The following EIF5A2 variants were observed in gnomAD, a reference collection of about 807,000 sequenced individuals.
The protein encoded by EIF5A2 is eukaryotic translation initiation factor 5A2.
Under a neutral mutation model 16.4 loss-of-function variants are expected in EIF5A2, and 15 were observed. That is an observed-to-expected ratio of 0.92 (90% CI 0.61 to 1.41). The LOEUF (loss-of-function observed/expected upper bound fraction) is 1.41. EIF5A2 is among the 40% of genes most tolerant of loss of function. The pLI, the probability that EIF5A2 is intolerant of heterozygous loss-of-function variation, is 0.00. For synonymous variants in EIF5A2, 48 were observed against 61.1 expected (o/e 0.79, Z 1.00); for missense variants, 144 against 189.5 (o/e 0.76, Z 1.41).
At chr3:170,896,109 C>A (rs1029637829) in intron 3 of EIF5A2, among the ~76,000 whole-genome samples, 4 of 152,252 alleles carry the variant, frequency 2.6e-5, no homozygotes. Context: ...GTGACTGAAA[C>A]ACAGAAGCCA....
In EIF5A2 at chr3:170,907,634, G is replaced by A. The variant is rs752868418; in HGVS notation, c.165+8C>T. 6.3e-7 allele frequency: 1 copy of A among 1,585,186 alleles called. No individual in the cohort carries two copies. The highest frequency in any genetic ancestry group is 8.6e-7 in the Non-Finnish European group (1 of 1,157,200). ...CGAAGCCAAAGCCTGATCTGCAAGG[G>A]TACTTACCTTGGCATGACCATGCTT... On this transcript the variant is annotated splice_region_variant and intron_variant, in intron 2 of 4. Coordinates refer to ENST00000295822, the MANE Select transcript of EIF5A2 (RefSeq NM_020390.6).
chr3:170,897,381 A>G lies in EIF5A2; in HGVS notation c.271-2958T>C, dbSNP rs1444930581. Among the ~76,000 whole-genome samples, 4 of 152,184 alleles carry G rather than the reference A, an allele frequency of 2.6e-5. No individual in the cohort carries two copies. In the East Asian group the frequency reaches 7.7e-4, roughly 29 times the overall value. On this transcript the variant is annotated intron_variant, in intron 3 of 4. Coordinates refer to ENST00000295822, the MANE Select transcript of EIF5A2 (RefSeq NM_020390.6). ...AGATATCTTCATGGCATCCCCTCCC[A>G]ACACAGGTCCAGAGGCCTAGGAGGG...
chr3:170,897,514 C>A (rs1446384745), intron 3 of EIF5A2, among the ~76,000 whole-genome samples: 2 of 152,212 alleles, frequency 1.3e-5, no homozygotes, highest in Non-Finnish European at 2.9e-5. Context: ...TAAAAGGGGT[C>A]AAGGTACAGC....
chr3:170,891,128 A>G lies in EIF5A2; in HGVS notation c.*2232T>C, dbSNP rs1712523906. 6.6e-6 allele frequency: 1 copy of G among 152,544 alleles called. No individual in the cohort carries two copies. Among genetic ancestry groups the G allele is most frequent in the African/African-American group, 2.4e-5 (1 of 41,462 alleles). 9.4% of individuals were successfully genotyped at this position (152,544 alleles called of 1,614,324 possible). Reference sequence around the variant, plus strand: ...TTATGTGAAATTTTACAAGTTAGGAAGAACAGGGGCATGCTAATTGAGAGT... The same window carrying G: ...TTATGTGAAATTTTACAAGTTAGGAGGAACAGGGGCATGCTAATTGAGAGT... On this transcript the variant is annotated 3_prime_UTR_variant, in exon 5 of 5. Transcript: ENST00000295822.
intron 3 of EIF5A2, among the ~76,000 whole-genome samples, chr3:170,900,419 A>G (rs941706359): frequency 6.6e-6 from 1 of 151,998 alleles, no homozygotes; most frequent in East Asian, 1.9e-4. Context: ...TCCTACTAAA[A>G]TATTCTAGGG....
chr3:170,890,431 T>G lies in EIF5A2; in HGVS notation c.*2929A>C, dbSNP rs1712502664. 1 of 152,082 alleles carries G rather than the reference T, an allele frequency of 6.6e-6. No homozygotes were observed. The highest frequency in any genetic ancestry group is 1.5e-5 in the Non-Finnish European group (1 of 67,962). The allele number at this position is 152,082 out of a possible 1,614,324, so 9.4% of individuals were successfully genotyped here. On this transcript the variant is annotated 3_prime_UTR_variant, in exon 5 of 5. Transcript: ENST00000295822. ...AGCGCTGGTACAGAGACTTGTATCA[T>G]TAAGGGAAACAGAGTCAAGAGCTTG...
rs548090113 is a variant in EIF5A2 at position 170,890,855 on chromosome 3, C to T, written c.*2505G>A. On this transcript the variant is annotated 3_prime_UTR_variant, in exon 5 of 5. Coordinates refer to ENST00000295822, the MANE Select transcript of EIF5A2 (RefSeq NM_020390.6). Reference sequence around the variant, plus strand: ...TCTATGTTAAAAAATACATGTTCCCCGCTTCCTTTTAATATAATTTATAAA... The same window carrying T: ...TCTATGTTAAAAAATACATGTTCCCTGCTTCCTTTTAATATAATTTATAAA... 1.4e-4 allele frequency: 22 copies of T among 152,584 alleles called. No individual in the cohort carries two copies. Among genetic ancestry groups the T allele is most frequent in the African/African-American group, 2.9e-4 (12 of 41,526 alleles). 9.5% of individuals were successfully genotyped at this position (152,584 alleles called of 1,614,324 possible).
At chr3:170,899,028 G>A (rs1712740698) in intron 3 of EIF5A2, among the ~76,000 whole-genome samples, 1 of 151,922 alleles carries the variant, frequency 6.6e-6, no homozygotes, top group Admixed American at 6.6e-5. Flanking sequence ...TCAAAATCAG[G>A]GAATTTAATA....
At chr3:170,902,607 CTTTT>C (rs1178996738) in intron 3 of EIF5A2, among the ~76,000 whole-genome samples, 3 of 102,242 alleles carry the variant, frequency 2.9e-5, no homozygotes, top group African/African-American at 4.0e-5. Flanking sequence ...AGAAGCCTTC[CTTTT>C]TTTTTTTTTT....
In EIF5A2 at chr3:170,894,539, A is replaced by C. The variant is rs1712620494; in HGVS notation, c.271-116T>G. On this transcript the variant is annotated intron_variant, in intron 3 of 4. Coordinates refer to ENST00000295822, the MANE Select transcript of EIF5A2 (RefSeq NM_020390.6). ...CATATAAGTATACAGTAATATATTA[A>C]TATTCTTGGTATTTAAAATGCTAAA... 8 of 762,258 alleles carry C rather than the reference A, an allele frequency of 1.0e-5. No individual in the cohort carries two copies. In the South Asian group the frequency reaches 2.0e-4, roughly 19 times the overall value. 47.2% of individuals were successfully genotyped at this position (762,258 alleles called of 1,614,324 possible). A position where few individuals can be genotyped will look rare whatever the true frequency, so the allele number is the denominator to read the frequency against.
intron 3 of EIF5A2, among the ~76,000 whole-genome samples, chr3:170,900,437 C>G (rs1236211699): frequency 1.3e-5 from 2 of 149,866 alleles, no homozygotes; most frequent in African/African-American, 4.9e-5. Flanking sequence ...GGGCTCCTTG[C>G]ATAATTCCAG....
At chr3:170,893,740 G>A (rs1290509196) in intron 4 of EIF5A2, among the ~76,000 whole-genome samples, 1 of 152,176 alleles carries the variant, frequency 6.6e-6, no homozygotes, top group African/African-American at 2.4e-5. Flanking sequence ...TTACCTGTAA[G>A]AATAGCTCAG....
chr3:170,896,680 G>T lies in EIF5A2; in HGVS notation c.271-2257C>A, dbSNP rs545712821. Among the ~76,000 whole-genome samples the T allele has an allele frequency of 6.5e-4, 99 of 152,254 alleles. 2 individuals carry two copies. Among genetic ancestry groups the T allele is most frequent in the Admixed American group, 5.3e-3 (81 of 15,288 alleles). ...TTCTTTATAAATTACCCAGTCTCAG[G>T]TAGTTCTTTATAGCAGTGTGAAAAA... On this transcript the variant is annotated intron_variant, in intron 3 of 4. Transcript: ENST00000295822.
At chr3:170,901,853 C>T (rs982250232) in intron 3 of EIF5A2, among the ~76,000 whole-genome samples, 38 of 152,184 alleles carry the variant, frequency 2.5e-4, no homozygotes, top group African/African-American at 7.7e-4. Flanking sequence ...TTCTTTTCCC[C>T]CAGAGTGTAG....
Position 170,893,422 on chromosome 3 carries a change from A to G in EIF5A2, c.403-3T>C. On this transcript the variant is annotated splice_region_variant and splice_polypyrimidine_tract_variant and intron_variant, in intron 4 of 4. Coordinates refer to ENST00000295822, the MANE Select transcript of EIF5A2 (RefSeq NM_020390.6). ...CTCATTGCACACATGACAGACACCT[A>G]GAAGGAAAAAAGCAGGCAAAACGTT... 6.2e-7 allele frequency: 1 copy of G among 1,613,844 alleles called. No individual in the cohort carries two copies. Among genetic ancestry groups the G allele is most frequent in the East Asian group, 2.2e-5 (1 of 44,826 alleles).
intron 1 of EIF5A2, among the ~76,000 whole-genome samples, chr3:170,908,244 C>T (rs769685895): frequency 2.6e-5 from 4 of 152,196 alleles, no homozygotes; most frequent in Non-Finnish European, 5.9e-5. Flanking sequence ...GGTAACAGAA[C>T]CTGGCCAGCA....
intron 3 of EIF5A2, among the ~76,000 whole-genome samples, chr3:170,900,326 C>T (rs574136717): frequency 1.4e-5 from 2 of 147,120 alleles, no homozygotes; most frequent in African/African-American, 5.1e-5. Flanking sequence ...GAGATCACGC[C>T]GCTGCACTCC....
In EIF5A2 at chr3:170,907,760, C is replaced by CT; in HGVS notation, c.46dup (p.Ser16LysfsTer47). The CT allele has an allele frequency of 6.3e-7, 1 of 1,586,910 alleles. No homozygotes were observed. The highest frequency in any genetic ancestry group is 8.6e-7 in the Non-Finnish European group (1 of 1,159,102). ...GGCCGAGCACTGCATAGGGTAAGTG[C>CT]TGGAAGCCCCGGCATCTCCAGTAGT... On this transcript the variant is annotated frameshift_variant, in exon 2 of 5. Coordinates refer to ENST00000295822, the MANE Select transcript of EIF5A2 (RefSeq NM_020390.6). LOFTEE classifies it high-confidence loss of function.
intron 3 of EIF5A2, among the ~76,000 whole-genome samples, chr3:170,895,872 C>T (rs1383557914): frequency 6.6e-6 from 1 of 152,124 alleles, no homozygotes; most frequent in East Asian, 1.9e-4. Context: ...ATGGGCGTCT[C>T]ATTATATTGC....
Sources: gnomAD v4.1 joint callset for allele counts (sites outside exome capture counted in the v4.1 genomes callset) on GRCh38, gnomAD v4.1.1 for gene constraint, MANE v1.5 for transcripts, NCBI Gene and HGNC (gene_info 2026-07-23, HGNC 2026-07-21) for gene names.